EPHB1: variants seen among roughly 807,000 people sequenced by gnomAD.
EPHB1 encodes the protein EPH receptor B1, also known as ephrin type-B receptor 1.
EPHB1 carries 30 observed loss-of-function variants against 94.4 expected under a neutral mutation model. The observed-to-expected ratio is 0.32, with a 90% CI of 0.24 to 0.43. The LOEUF is 0.43. Among genes scored for constraint, EPHB1 ranks in the 20% least tolerant of loss-of-function variants. The pLI, the probability that EPHB1 is intolerant of heterozygous loss-of-function variation, is 1.00. For missense variants in EPHB1, 1,055 were observed against 1,308.3 expected, an observed-to-expected ratio of 0.81 and a Z score of 2.99; for synonymous variants, 522 against 489.1, an observed-to-expected ratio of 1.07 and a Z score of -0.89.
chr3:134,819,040 G>C (rs971057416), intron 1 of EPHB1, among the ~76,000 whole-genome samples: 1 of 152,294 alleles, frequency 6.6e-6, no homozygotes, highest in East Asian at 1.9e-4. Flanking sequence ...TAATGCAAAG[G>C]TTAGTAGCCA....
chr3:135,167,158 C>T (rs1253120206), intron 9 of EPHB1, among the ~76,000 whole-genome samples, 152 bp downstream of exon 9: 3 of 152,128 alleles, frequency 2.0e-5, no homozygotes, highest in East Asian at 3.9e-4. Context: ...TCTGCAGGTC[C>T]CCAGGGGCAA....
At position 134,932,056 on chromosome 3, in the gene EPHB1, T is replaced by C. The variant is rs1034201289; in HGVS notation, c.123+6176T>C. On this transcript the variant is annotated intron_variant, in intron 2 of 15. Transcript: ENST00000398015. ...GTGTGTGTGTGTGTGTGTGTATGTA[T>C]GAAGTTAAATTAGCTGATCTCACCC... 2.2e-4 allele frequency among the ~76,000 whole-genome samples: 34 copies of C among 151,960 alleles called. 1 individual carries two copies. The highest frequency in any genetic ancestry group is 4.8e-5 in the African/African-American group (2 of 41,330).
intron 1 of EPHB1, among the ~76,000 whole-genome samples, chr3:134,878,519 G>A (rs1021749927): frequency 4.6e-5 from 7 of 152,228 alleles, no homozygotes; most frequent in Non-Finnish European, 7.3e-5. Context: ...TGAGTCCTCA[G>A]TGCTGAGGAC....
chr3:135,168,149 C>G (rs1941702450), intron 9 of EPHB1, among the ~76,000 whole-genome samples: 1 of 152,226 alleles, frequency 6.6e-6, no homozygotes, highest in Non-Finnish European at 1.5e-5. Flanking sequence ...GATGTGGCTT[C>G]CAATCTAAGA....
chr3:135,211,558 A>C (rs1293988168), intron 12 of EPHB1, among the ~76,000 whole-genome samples: 1 of 152,146 alleles, frequency 6.6e-6, no homozygotes, highest in African/African-American at 2.4e-5. Context: ...TTTTTGCTAG[A>C]TATACACTTC....
rs1941346559 is a variant in EPHB1 at position 135,156,118 on chromosome 3, G to A, written c.1422+1842G>A. On this transcript the variant is annotated intron_variant, in intron 6 of 15. Transcript: ENST00000398015. Reference sequence around the variant, plus strand: ...CGATGTAGCCGGCACTGACTGAGAAGGTGATCACTGTGGGTAGAGCATATC... The same window carrying A: ...CGATGTAGCCGGCACTGACTGAGAAAGTGATCACTGTGGGTAGAGCATATC... 1.3e-5 allele frequency among the ~76,000 whole-genome samples: 2 copies of A among 152,006 alleles called. 1 individual carries two copies. The highest frequency in any genetic ancestry group is 4.1e-4 in the South Asian group (2 of 4,830).
intron 3 of EPHB1, among the ~76,000 whole-genome samples, chr3:135,049,144 G>C (rs941693696): frequency 2.0e-5 from 3 of 152,218 alleles, no homozygotes; most frequent in African/African-American, 7.2e-5. Context: ...GTGAGTTAGA[G>C]AGATGCCTTG....
intron 5 of EPHB1, among the ~76,000 whole-genome samples, chr3:135,143,444 G>A (rs1161584410): frequency 6.6e-6 from 1 of 152,176 alleles, no homozygotes; most frequent in African/African-American, 2.4e-5. Flanking sequence ...TAGGGTGGTG[G>A]TGGTGGGTCC....
chr3:135,217,381 G>T (rs1943171122), intron 12 of EPHB1, among the ~76,000 whole-genome samples: 1 of 147,160 alleles, frequency 6.8e-6, no homozygotes, highest in Non-Finnish European at 1.5e-5. Context: ...CAAAAAGACT[G>T]TGAACTTCCC....
chr3:134,913,273 G>T (rs563182365), intron 1 of EPHB1, among the ~76,000 whole-genome samples: 2 of 152,310 alleles, frequency 1.3e-5, no homozygotes, highest in African/African-American at 4.8e-5. Flanking sequence ...GAGGGGTGAG[G>T]GGGGAGCTCA....
At chr3:135,046,444 T>C (rs926726663) in intron 3 of EPHB1, among the ~76,000 whole-genome samples, 1 of 151,964 alleles carries the variant, frequency 6.6e-6, no homozygotes, top group African/African-American at 2.4e-5. Context: ...GGATAATGCA[T>C]GTTTGATCGT....
intron 3 of EPHB1, among the ~76,000 whole-genome samples, chr3:134,995,288 A>T (rs527782444): frequency 6.6e-6 from 1 of 152,214 alleles, no homozygotes; most frequent in Non-Finnish European, 1.5e-5. Flanking sequence ...ACCTGGATGG[A>T]TCTCATTTCC....
At chr3:134,999,098 G>T (rs1013415378) in intron 3 of EPHB1, among the ~76,000 whole-genome samples, 2 of 152,126 alleles carry the variant, frequency 1.3e-5, no homozygotes, top group African/African-American at 4.8e-5. Flanking sequence ...CCCGATACCT[G>T]GTCAGTCACT....
intron 5 of EPHB1, among the ~76,000 whole-genome samples, chr3:135,135,095 C>T (rs1940570412): frequency 6.6e-6 from 1 of 152,136 alleles, no homozygotes; most frequent in Non-Finnish European, 1.5e-5. Flanking sequence ...CCCCCTCTGG[C>T]AGGCCCTTTA....
At chr3:134,884,489 G>A (rs997166515) in intron 1 of EPHB1, among the ~76,000 whole-genome samples, 5 of 152,156 alleles carry the variant, frequency 3.3e-5, no homozygotes, top group African/African-American at 7.2e-5. Context: ...TGAGAAATTC[G>A]TTTGATCAGA....
At chr3:134,940,161 G>T (rs1046998006) in intron 2 of EPHB1, among the ~76,000 whole-genome samples, 1 of 152,192 alleles carries the variant, frequency 6.6e-6, no homozygotes, top group East Asian at 1.9e-4. Flanking sequence ...TGACCAAAGG[G>T]TAGGATTATT....
At chr3:135,256,114 T>G (rs1322615957) in intron 15 of EPHB1, among the ~76,000 whole-genome samples, 2 of 151,982 alleles carry the variant, frequency 1.3e-5, no homozygotes, top group Non-Finnish European at 2.9e-5. Flanking sequence ...ATGTGTGTCT[T>G]TGCACATGAG....
rs1392993399 is a variant in EPHB1, at chr3:135,243,056, C to T, written c.2496+1759C>T. 3.1e-5 allele frequency among the ~76,000 whole-genome samples: 4 copies of T among 127,014 alleles called. No individual in the cohort carries two copies. The Admixed American group carries it at 3.9e-4, about 12-fold the overall frequency. 83.3% of individuals were successfully genotyped at this position (127,014 alleles called of 152,430 possible). ...CGCCACTGCATTCCAGCCTGGGTGACAGAGCGGGACCCTGTCTCAAAAAAA... is the reference window on the plus strand; with the variant it reads ...CGCCACTGCATTCCAGCCTGGGTGATAGAGCGGGACCCTGTCTCAAAAAAA... On this transcript the variant is annotated intron_variant, in intron 13 of 15. Transcript: ENST00000398015.
chr3:135,238,661 C>T (rs1355437073), intron 12 of EPHB1, among the ~76,000 whole-genome samples: 1 of 152,144 alleles, frequency 6.6e-6, no homozygotes, highest in Non-Finnish European at 1.5e-5. Context: ...CCTACACTGC[C>T]AAGTTTTCTC....
Sources: gnomAD v4.1 joint callset for allele counts (sites outside exome capture counted in the v4.1 genomes callset) on GRCh38, gnomAD v4.1.1 for gene constraint, MANE v1.5 for transcripts, NCBI Gene and HGNC (gene_info 2026-07-23, HGNC 2026-07-21) for gene names.